Variants in SH3BP4 observed in about 807,000 individuals in gnomAD.
SH3BP4 encodes the protein SH3 domain-binding protein 4.
Under a neutral mutation model 65.5 loss-of-function variants are expected in SH3BP4, and 33 were observed. The observed-to-expected ratio is 0.50, with a 90% CI of 0.38 to 0.67. The LOEUF (loss-of-function observed/expected upper bound fraction) is 0.67. Ranked by LOEUF, SH3BP4 falls within the 30% of genes least tolerant of loss-of-function variation. The pLI is 0.00. For missense variants in SH3BP4, 1,134 were observed against 1,261.4 expected (o/e 0.90, Z 1.53); for synonymous variants, 552 against 545.5 (o/e 1.01, Z -0.17).
At chr2:235,032,212 C>T (rs1335452545) in intron 2 of SH3BP4, among the ~76,000 whole-genome samples, 1 of 152,184 alleles carries the variant, frequency 6.6e-6, no homozygotes, top group Non-Finnish European at 1.5e-5. Flanking sequence ...ACCCCAGTCC[C>T]TGACAGGATG....
intron 1 of SH3BP4, among the ~76,000 whole-genome samples, chr2:234,970,002 CTG>C (rs1692943801): frequency 6.6e-6 from 1 of 150,914 alleles, no homozygotes; most frequent in South Asian, 2.1e-4. Flanking sequence ...CACACACTCG[CTG>C]TCTCACACAC....
In SH3BP4 at chr2:235,045,415, A is replaced by G. The variant is rs1048985533; in HGVS notation, c.2478+2168A>G. Among the ~76,000 whole-genome samples, 3 of 151,986 alleles carry G rather than the reference A, an allele frequency of 2.0e-5. No homozygotes were observed. Among genetic ancestry groups the G allele is most frequent in the South Asian group, 2.1e-4 (1 of 4,820 alleles). ...AGACATAAATGATCAAACTCTCTCA[A>G]TTCGATTGGTGAGCATCTCTGGGAG... On this transcript the variant is annotated intron_variant, in intron 4 of 5. Transcript: ENST00000392011. This position sits in a 1 kb window ranked among gnomAD's most constrained non-coding sequence, Gnocchi z 4.3.
chr2:234,958,880 G>A (rs180763474), intron 1 of SH3BP4, among the ~76,000 whole-genome samples: 10 of 152,180 alleles, frequency 6.6e-5, no homozygotes, highest in Admixed American at 3.3e-4. Flanking sequence ...AAATTGGACC[G>A]TATTTGATGG....
intron 1 of SH3BP4, among the ~76,000 whole-genome samples, chr2:234,955,464 T>TGGGCCCTGAGGGCGTCCAC (rs1692565695): frequency 6.6e-6 from 1 of 152,038 alleles, no homozygotes; most frequent in Admixed American, 6.5e-5. Context: ...AGCTCCTCGG[T>TGGGCCCTGAGGGCGTCCAC]GGGCCCTGAG....
intron 1 of SH3BP4, among the ~76,000 whole-genome samples, chr2:234,971,299 A>G (rs2106247643): frequency 6.6e-6 from 1 of 152,314 alleles, no homozygotes; most frequent in Non-Finnish European, 1.5e-5. Flanking sequence ...TAGTGTCTTC[A>G]AGGTTCATCC....
rs939189966 is a variant in SH3BP4, at chr2:235,045,124, G to A, written c.2478+1877G>A. 7.2e-5 allele frequency among the ~76,000 whole-genome samples: 11 copies of A among 152,172 alleles called. No homozygotes were observed. The highest frequency in any genetic ancestry group is 2.4e-4 in the African/African-American group (10 of 41,460). ...GAACCTGGTGCCGGGCCGTGGCCTG[G>A]TCTCCTCACGGGTGCACCCAGCACA... On this transcript the variant is annotated intron_variant, in intron 4 of 5. Transcript: ENST00000392011. This position sits in a 1 kb window ranked among gnomAD's most constrained non-coding sequence, Gnocchi z 4.3.
intron 4 of SH3BP4, among the ~76,000 whole-genome samples, chr2:235,044,923 G>C (rs557521178): frequency 1.3e-4 from 20 of 152,328 alleles, no homozygotes; most frequent in African/African-American, 4.8e-4. Context: ...GCGGCCGTCA[G>C]GGGGGCCACC....
At chr2:235,006,501 GGCT>G (rs987042230) in intron 2 of SH3BP4, among the ~76,000 whole-genome samples, 11 of 152,178 alleles carry the variant, frequency 7.2e-5, no homozygotes, top group Non-Finnish European at 1.6e-4. Flanking sequence ...GATGGTGCTG[GGCT>G]GGCTGCAGGC....
intron 1 of SH3BP4, among the ~76,000 whole-genome samples, chr2:234,969,956 C>G (rs1692940585): frequency 7.2e-6 from 1 of 137,990 alleles, no homozygotes; most frequent in Non-Finnish European, 1.5e-5. Context: ...CTCCCTGTCT[C>G]TCACACACAC....
At chr2:235,028,995 C>T (rs982968472) in intron 2 of SH3BP4, among the ~76,000 whole-genome samples, 2 of 152,150 alleles carry the variant, frequency 1.3e-5, no homozygotes, top group African/African-American at 4.8e-5. Context: ...GCCCAGGAGC[C>T]TTTGGAGGGT....
At position 235,046,684 on chromosome 2, in the gene SH3BP4, T is replaced by C. The variant is rs1695868888; in HGVS notation, c.2478+3437T>C. On this transcript the variant is annotated intron_variant, in intron 4 of 5. Coordinates refer to ENST00000392011, the MANE Select transcript of SH3BP4 (RefSeq NM_014521.3). The surrounding 1 kb of genome is among the most constrained non-coding windows in gnomAD (Gnocchi z 4.2). ...CCATGAGAGGAAGGGCCCCGGCACA[T>C]AAGAATCACTGAGGTACTAGATGGA... Among the ~76,000 whole-genome samples the C allele has an allele frequency of 6.6e-6, 1 of 151,948 alleles. No homozygotes were observed. The highest frequency in any genetic ancestry group is 2.4e-5 in the African/African-American group (1 of 41,332).
chr2:235,023,670 T>C (rs1296408366), intron 2 of SH3BP4, among the ~76,000 whole-genome samples: 1 of 152,242 alleles, frequency 6.6e-6, no homozygotes, highest in Non-Finnish European at 1.5e-5. Context: ...ATACACTTGC[T>C]ACCTAGAGAT....
chr2:234,970,043 T>G (rs1412769156), intron 1 of SH3BP4, among the ~76,000 whole-genome samples: 2 of 134,742 alleles, frequency 1.5e-5, no homozygotes, highest in African/African-American at 3.5e-5. Flanking sequence ...ACAAATACAC[T>G]TACTCACACA....
chr2:235,026,802 A>G lies in SH3BP4; in HGVS notation c.-132-8069A>G, dbSNP rs992373775. Among the ~76,000 whole-genome samples, 55 of 152,124 alleles carry G rather than the reference A, an allele frequency of 3.6e-4. No homozygotes were observed. The highest frequency in any genetic ancestry group is 1.2e-3 in the African/African-American group (51 of 41,488). Reference sequence around the variant, plus strand: ...TAAATTGAACTCAGTTGTTTAGGGAAATGCACCCAGAGGGGCACTGTGAGT... The same window carrying G: ...TAAATTGAACTCAGTTGTTTAGGGAGATGCACCCAGAGGGGCACTGTGAGT... On this transcript the variant is annotated intron_variant, in intron 2 of 5. Transcript: ENST00000392011. The surrounding 1 kb of genome is among the most constrained non-coding windows in gnomAD (Gnocchi z 4.6).
At chr2:234,964,468 C>T (rs1445997736) in intron 1 of SH3BP4, among the ~76,000 whole-genome samples, 1 of 152,188 alleles carries the variant, frequency 6.6e-6, no homozygotes, top group African/African-American at 2.4e-5. Context: ...AGGGAGTTCA[C>T]TGCCCAGCAG....
rs1695685647 is a variant in SH3BP4 at position 235,042,289 on chromosome 2, G to A, written c.1520G>A (p.Ser507Asn). 6.2e-7 allele frequency: 1 copy of A among 1,614,184 alleles called. No homozygotes were observed. Among genetic ancestry groups the A allele is most frequent in the Non-Finnish European group, 8.5e-7 (1 of 1,180,030 alleles). ...TGTGCCCCAAAGACGCTCCTGGTCA[G>A]CGAGGTCACACGCCAGGCACCCAAC... ...HDCAPKTLLV[S>N]EVTRQAPNPA... Residue 507 changes from serine (S) to asparagine (N), a missense_variant, in exon 4 of 6, where the codon AGC (serine) becomes AAC (asparagine). Physicochemically the swap from Ser to Asn is conservative, Grantham distance 46 (BLOSUM62 1). Coordinates refer to ENST00000392011, the MANE Select transcript of SH3BP4 (RefSeq NM_014521.3). This position sits in a 1 kb window ranked among gnomAD's most constrained non-coding sequence, Gnocchi z 7.3.
intron 1 of SH3BP4, among the ~76,000 whole-genome samples, chr2:234,981,406 G>A (rs1559230989): frequency 2.0e-5 from 3 of 152,118 alleles, no homozygotes; most frequent in Non-Finnish European, 2.9e-5. Flanking sequence ...GGAGAGCCTC[G>A]TTCAGTGAGT....
intron 2 of SH3BP4, among the ~76,000 whole-genome samples, chr2:235,012,734 C>T (rs866335423): frequency 2.6e-5 from 4 of 152,242 alleles, no homozygotes; most frequent in Non-Finnish European, 5.9e-5. Context: ...GTTTCCATCT[C>T]GGAGTGCATT....
At chr2:234,988,656 G>C (rs998143199) in intron 1 of SH3BP4, among the ~76,000 whole-genome samples, 1 of 152,144 alleles carries the variant, frequency 6.6e-6, no homozygotes, top group African/African-American at 2.4e-5. Flanking sequence ...CAGGGAGGGA[G>C]GGCGTTCAGA....
Sources: allele counts gnomAD v4.1 joint callset (sites outside exome capture counted in the v4.1 genomes callset), GRCh38; gene constraint gnomAD v4.1.1; non-coding constraint Gnocchi (gnomAD v3.1); transcripts MANE v1.5; gene names NCBI Gene and HGNC (gene_info 2026-07-23, HGNC 2026-07-21).